The following PLXNA4 variants were observed in gnomAD, a reference collection of about 807,000 sequenced individuals.
PLXNA4 encodes the protein plexin A4, also known as plexin-A4.
Under a neutral mutation model 191.8 loss-of-function variants are expected in PLXNA4, and 44 were observed. That is an observed-to-expected ratio of 0.23 (90% CI 0.18 to 0.29). The LOEUF is 0.29. Ranked by LOEUF, PLXNA4 falls within the 10% of genes least tolerant of loss-of-function variation. The pLI, the probability that PLXNA4 is intolerant of heterozygous loss-of-function variation, is 1.00. For missense variants in PLXNA4, 1,800 were observed against 2,488.8 expected, an observed-to-expected ratio of 0.72 and a Z score of 5.89; for synonymous variants, 1,082 against 1,009.5, an observed-to-expected ratio of 1.07 and a Z score of -1.36.
chr7:132,433,501 C>T (rs1327637200), intron 3 of PLXNA4, among the ~76,000 whole-genome samples: 1 of 152,180 alleles, frequency 6.6e-6, no homozygotes, highest in East Asian at 1.9e-4. Context: ...GATAGGGCGT[C>T]TTTCTGAGGT....
chr7:132,139,973 T>C (rs1795218382), intron 30 of PLXNA4, among the ~76,000 whole-genome samples: 1 of 152,192 alleles, frequency 6.6e-6, no homozygotes, highest in African/African-American at 2.4e-5. Context: ...TTCTTTACCA[T>C]GAGTCGCACT....
chr7:132,500,233 A>G (rs1798190404), intron 2 of PLXNA4, among the ~76,000 whole-genome samples: 1 of 152,208 alleles, frequency 6.6e-6, no homozygotes, highest in Non-Finnish European at 1.5e-5. Flanking sequence ...ATCACCTGTC[A>G]GGAGTTTGAA....
At chr7:132,233,967 G>A (rs1257843927) in intron 5 of PLXNA4, among the ~76,000 whole-genome samples, 3 of 151,944 alleles carry the variant, frequency 2.0e-5, no homozygotes, top group African/African-American at 7.3e-5. Flanking sequence ...AGAAAGTGAA[G>A]TGGGCTTGTC....
At position 132,516,846 on chromosome 7, in the gene PLXNA4, C is replaced by T. The variant is rs1471183410; in HGVS notation, c.-86-8067G>A. ...GCACATGCCTGTAGTCCCAGCTACTCGGGAGGCTGAGGCAGGAGAATCACT... is the reference window on the plus strand; with the variant it reads ...GCACATGCCTGTAGTCCCAGCTACTTGGGAGGCTGAGGCAGGAGAATCACT... On this transcript the variant is annotated intron_variant, in intron 1 of 31. Transcript: ENST00000321063. 3.3e-5 allele frequency among the ~76,000 whole-genome samples: 5 copies of T among 152,136 alleles called. No homozygotes were observed. In the South Asian group the frequency reaches 1.0e-3, roughly 31 times the overall value.
At chr7:132,584,250 T>C (rs1464509653) in intron 2 of PLXNA4, among the ~76,000 whole-genome samples, 2 of 152,260 alleles carry the variant, frequency 1.3e-5, no homozygotes, top group Non-Finnish European at 2.9e-5. Flanking sequence ...TAATATGGAC[T>C]CTTTCTATTA....
intron 1 of PLXNA4, among the ~76,000 whole-genome samples, chr7:132,531,691 G>C (rs545144742): frequency 2.6e-4 from 40 of 152,166 alleles, no homozygotes; most frequent in Non-Finnish European, 3.5e-4. Context: ...CTGAACTTTC[G>C]AGTGCTGTGA....
chr7:132,362,682 G>A (rs1803995948), intron 3 of PLXNA4, among the ~76,000 whole-genome samples: 1 of 152,006 alleles, frequency 6.6e-6, no homozygotes. Flanking sequence ...ATGCCAACCT[G>A]GTACACTTAA....
chr7:132,524,631 A>G (rs546343808), intron 1 of PLXNA4, among the ~76,000 whole-genome samples: 42 of 152,176 alleles, frequency 2.8e-4, no homozygotes, highest in Non-Finnish European at 5.3e-4. Flanking sequence ...GCTGGAGTGC[A>G]GTGGCATGAT....
At chr7:132,247,848 T>C (rs73157214) in intron 4 of PLXNA4, among the ~76,000 whole-genome samples, 4,840 of 152,316 alleles carry the variant, frequency 0.032, 77 homozygotes, top group Middle Eastern at 0.058. Context: ...CTGTCACTCC[T>C]ATTCTCTTTG....
At chr7:132,271,479 C>G (rs950772219) in intron 4 of PLXNA4, among the ~76,000 whole-genome samples, 1 of 151,198 alleles carries the variant, frequency 6.6e-6, no homozygotes, top group African/African-American at 2.4e-5. Context: ...CCTCCCTCCA[C>G]CCCAGTGGTT....
chr7:132,253,853 G>A (rs2117092802), intron 4 of PLXNA4, among the ~76,000 whole-genome samples: 1 of 152,296 alleles, frequency 6.6e-6, no homozygotes, highest in Admixed American at 6.5e-5. Flanking sequence ...GCAAGGACCA[G>A]GGCACCTCTG....
At chr7:132,569,109 T>TA in intron 1 of PLXNA4, among the ~76,000 whole-genome samples, 1 of 152,196 alleles carries the variant, frequency 6.6e-6, no homozygotes, top group Admixed American at 6.5e-5. Context: ...ACCAGTGAGC[T>TA]ACAGCAGACC....
Position 132,507,434 on chromosome 7 carries a change from A to T in PLXNA4, c.1188+72T>A, listed in dbSNP as rs193262817. On this transcript the variant is annotated intron_variant, in intron 2 of 31. Transcript: ENST00000321063. ...AAAGGGGAAGGATGATACACATCCC[A>T]TGGGGGCTACAGGCTGGGGTTCTCA... The T allele has an allele frequency of 6.7e-6, 10 of 1,483,292 alleles. No homozygotes were observed. In the East Asian group the frequency reaches 2.3e-4, roughly 34 times the overall value. The allele number at this position is 1,483,292 out of a possible 1,614,324, so 91.9% of individuals were successfully genotyped here. A position where few individuals can be genotyped will look rare whatever the true frequency, so the allele number is the denominator to read the frequency against.
intron 3 of PLXNA4, among the ~76,000 whole-genome samples, chr7:132,461,630 G>A (rs569837017): frequency 3.3e-5 from 5 of 152,350 alleles, no homozygotes; most frequent in African/African-American, 1.2e-4. Context: ...CCTAATAAAT[G>A]TTTCTGATGT....
chr7:132,530,939 C>A (rs1233046115), intron 1 of PLXNA4, among the ~76,000 whole-genome samples: 1 of 152,140 alleles, frequency 6.6e-6, no homozygotes, highest in African/African-American at 2.4e-5. Context: ...ATGAATGAAC[C>A]TTAAAAATAT....
At chr7:132,289,034 C>G (rs1004329743) in intron 4 of PLXNA4, among the ~76,000 whole-genome samples, 1 of 152,150 alleles carries the variant, frequency 6.6e-6, no homozygotes, top group Admixed American at 6.6e-5. Context: ...GCGATGCTGC[C>G]TTCTTAGACC....
chr7:132,533,249 A>G (rs1799695984), intron 1 of PLXNA4, among the ~76,000 whole-genome samples: 1 of 152,204 alleles, frequency 6.6e-6, no homozygotes, highest in East Asian at 1.9e-4. Context: ...CACTCAAAGT[A>G]GGAGGAACAA....
intron 3 of PLXNA4, among the ~76,000 whole-genome samples, chr7:132,444,572 C>T (rs774818308): frequency 1.3e-5 from 2 of 152,200 alleles, no homozygotes; most frequent in African/African-American, 4.8e-5. Flanking sequence ...CAGTTCTGTC[C>T]TTTGAGTATC....
intron 3 of PLXNA4, among the ~76,000 whole-genome samples, chr7:132,305,019 T>C (rs892376272): frequency 3.3e-5 from 5 of 152,122 alleles, no homozygotes; most frequent in Admixed American, 2.6e-4. Flanking sequence ...TGGGCAAACC[T>C]CCTGCGCAGC....
Sources: allele counts gnomAD v4.1 joint callset (sites outside exome capture counted in the v4.1 genomes callset), GRCh38; gene constraint gnomAD v4.1.1; transcripts MANE v1.5; gene names NCBI Gene and HGNC (gene_info 2026-07-23, HGNC 2026-07-21).